The following DOCK2 variants were observed in gnomAD, a reference collection of about 807,000 sequenced individuals.
The protein encoded by DOCK2 is dedicator of cytokinesis 2.
A neutral mutation model predicts 248.9 loss-of-function variants in DOCK2; 87 were observed. The ratio of observed to expected loss-of-function variants is 0.35; its 90% CI spans 0.29 to 0.42. The LOEUF is 0.42. DOCK2 is among the 10% of genes least tolerant of loss of function. The probability of loss-of-function intolerance (pLI) is 1.00; values close to 1 mark genes in which losing one functional copy is unlikely to be tolerated. For missense variants in DOCK2, 1,747 were observed against 2,300.2 expected, an observed-to-expected ratio of 0.76 and a Z score of 4.92; for synonymous variants, 805 against 821.6, an observed-to-expected ratio of 0.98 and a Z score of 0.35.
chr5:169,804,302 T>G (rs12515111), intron 26 of DOCK2, among the ~76,000 whole-genome samples: 18,570 of 152,174 alleles, frequency 0.12, 1,413 homozygotes, highest in Non-Finnish European at 0.17. Flanking sequence ...ATGCATAGCT[T>G]GCTTCATTCA....
intron 26 of DOCK2, among the ~76,000 whole-genome samples, chr5:169,839,826 G>A (rs957584789): frequency 5.9e-5 from 9 of 152,070 alleles, no homozygotes; most frequent in Non-Finnish European, 1.2e-4. Flanking sequence ...TCCTCAATTT[G>A]TCCCTCCAGC....
At chr5:169,870,621 A>C (rs529726579) in intron 27 of DOCK2, among the ~76,000 whole-genome samples, 1 of 151,666 alleles carries the variant, frequency 6.6e-6, no homozygotes, top group East Asian at 1.9e-4. Flanking sequence ...TTATTATTAT[A>C]CTTTAAGTTT....
intron 19 of DOCK2, among the ~76,000 whole-genome samples, chr5:169,714,778 G>A (rs960207307): frequency 3.9e-5 from 6 of 152,138 alleles, no homozygotes; most frequent in Non-Finnish European, 5.9e-5. Flanking sequence ...TCTCAGGGCT[G>A]TTATGAGCAT....
At chr5:169,943,046 G>A (rs1377568415) in intron 27 of DOCK2, among the ~76,000 whole-genome samples, 2 of 152,160 alleles carry the variant, frequency 1.3e-5, no homozygotes, top group Non-Finnish European at 2.9e-5. Flanking sequence ...GAATGTGTTG[G>A]GCTGGGCTGG....
At chr5:169,691,591 G>A (rs1430356096) in intron 9 of DOCK2, among the ~76,000 whole-genome samples, 1 of 152,190 alleles carries the variant, frequency 6.6e-6, no homozygotes, top group Non-Finnish European at 1.5e-5. Flanking sequence ...AAAACAGGGT[G>A]ATGTGATGGT....
chr5:169,993,403 G>C (rs1318980227), intron 29 of DOCK2, among the ~76,000 whole-genome samples: 1 of 152,190 alleles, frequency 6.6e-6, no homozygotes, highest in Non-Finnish European at 1.5e-5. Context: ...GTCCAGAGGG[G>C]TCTGAAGCCA....
chr5:169,640,651 G>A (rs1459646373), intron 1 of DOCK2, among the ~76,000 whole-genome samples: 1 of 152,176 alleles, frequency 6.6e-6, no homozygotes, highest in Non-Finnish European at 1.5e-5. Context: ...GGAAATATAT[G>A]GGGAATCTAA....
At chr5:169,707,014 T>G (rs1439842942) in intron 14 of DOCK2, among the ~76,000 whole-genome samples, 1 of 152,178 alleles carries the variant, frequency 6.6e-6, no homozygotes, top group East Asian at 1.9e-4. Context: ...ACCATCAACA[T>G]GCCGAGAGGC....
intron 26 of DOCK2, among the ~76,000 whole-genome samples, chr5:169,808,573 C>T (rs1287613059): frequency 7.0e-6 from 1 of 143,204 alleles, no homozygotes; most frequent in East Asian, 2.0e-4. Flanking sequence ...ACTTCTTCCT[C>T]TATTAACTCC....
At chr5:169,833,579 G>C (rs151020998) in intron 26 of DOCK2, among the ~76,000 whole-genome samples, 1 of 152,278 alleles carries the variant, frequency 6.6e-6, no homozygotes, top group East Asian at 1.9e-4. Flanking sequence ...CTGAGAGCCT[G>C]TTCCAGAAGC....
At chr5:169,824,579 GCTGAAACTGGATCCCTTC>G (rs1174310640) in intron 26 of DOCK2, among the ~76,000 whole-genome samples, 2 of 152,180 alleles carry the variant, frequency 1.3e-5, no homozygotes, top group Non-Finnish European at 2.9e-5. Context: ...TATGTAGAAA[GCTGAAACTGGATCCCTTC>G]CTTACACCTT....
intron 27 of DOCK2, among the ~76,000 whole-genome samples, chr5:169,921,503 A>G (rs1775173437): frequency 6.6e-6 from 1 of 152,234 alleles, no homozygotes; most frequent in Non-Finnish European, 1.5e-5. Flanking sequence ...ACGTGGATCA[A>G]CAGTTTTGTA....
rs546556235 is a variant in DOCK2, at chr5:169,718,063, AC to A, written c.2132+580del. 1.7e-3 allele frequency among the ~76,000 whole-genome samples: 42 copies of A among 24,592 alleles called. No homozygotes were observed. In the Admixed American group the frequency reaches 0.018, roughly 10 times the overall value. The allele number at this position is 24,592 out of a possible 152,430, so 16.1% of individuals were successfully genotyped here. ...GGTGACAGTAAGACTCATCTCAAAA[AC>A]AAAACAAAACAAAACAAAACAAAAA... On this transcript the variant is annotated intron_variant, in intron 21 of 51. Transcript: ENST00000520908.
intron 45 of DOCK2, among the ~76,000 whole-genome samples, chr5:170,068,018 G>C (rs1345870473): frequency 6.6e-6 from 1 of 152,182 alleles, no homozygotes; most frequent in Non-Finnish European, 1.5e-5. Flanking sequence ...GACCATAAAA[G>C]TACGTGCCAG....
intron 25 of DOCK2, among the ~76,000 whole-genome samples, chr5:169,791,155 A>T (rs1766315097): frequency 6.6e-6 from 1 of 152,094 alleles, no homozygotes; most frequent in East Asian, 1.9e-4. Context: ...TCTAACACTT[A>T]CTAAGATCCT....
At chr5:169,931,744 C>T (rs1775764560) in intron 27 of DOCK2, among the ~76,000 whole-genome samples, 1 of 152,126 alleles carries the variant, frequency 6.6e-6, no homozygotes, top group Admixed American at 6.6e-5. Flanking sequence ...AGGTGGCTGG[C>T]ACTGTGCTTC....
intron 27 of DOCK2, among the ~76,000 whole-genome samples, chr5:169,890,570 A>G (rs1242793713): frequency 6.6e-6 from 1 of 152,178 alleles, no homozygotes; most frequent in Admixed American, 6.5e-5. Context: ...AGTAAGGAAA[A>G]GGGTATATTT....
intron 27 of DOCK2, among the ~76,000 whole-genome samples, chr5:169,962,926 A>G (rs2113748906): frequency 6.6e-6 from 1 of 152,198 alleles, no homozygotes; most frequent in South Asian, 2.1e-4. Context: ...TTCTGCAAAT[A>G]CCCCTAGGCC....
chr5:169,961,802 A>T (rs2113746305), intron 27 of DOCK2, among the ~76,000 whole-genome samples: 2 of 151,934 alleles, frequency 1.3e-5, no homozygotes, highest in South Asian at 4.2e-4. Flanking sequence ...ACATGGTGAA[A>T]CCCCATCTCT....
Sources: allele counts gnomAD v4.1 joint callset (sites outside exome capture counted in the v4.1 genomes callset), GRCh38; gene constraint gnomAD v4.1.1; transcripts MANE v1.5; gene names NCBI Gene and HGNC (gene_info 2026-07-23, HGNC 2026-07-21).